ANOS1: variants seen among roughly 807,000 people sequenced by gnomAD.
ANOS1 encodes the protein anosmin 1.
ANOS1 carries 6 observed loss-of-function variants against 59.0 expected under a neutral mutation model. That is an observed-to-expected ratio of 0.10 (90% CI 0.06 to 0.20). ANOS1 has a LOEUF of 0.20. ANOS1 is among the 10% of genes least tolerant of loss of function. The pLI is 1.00. For synonymous variants in ANOS1, 217 were observed against 223.4 expected (o/e 0.97, Z 0.25); for missense variants, 433 against 542.3 (o/e 0.80, Z 2.00).
At chrX:8,590,237 T>C (rs757182312) in intron 4 of ANOS1, among the ~76,000 whole-genome samples, 1 of 112,285 alleles carries the variant, frequency 8.9e-6, no homozygotes, top group East Asian at 2.8e-4. Flanking sequence ...TGTCAATCTA[T>C]CTCCTGGTAC....
At position 8,621,981 on chromosome X, in the gene ANOS1, CACAA is replaced by C. The variant is rs770731382; in HGVS notation, c.318+1623_318+1626del. On this transcript the variant is annotated intron_variant, in intron 3 of 13. Transcript: ENST00000262648. ...GAACACAGAAAAGGTAAAAGCAGAA[CACAA>C]ACAAAGACATGGGATGGCCTCACTC... Among the ~76,000 whole-genome samples, 25 of 111,949 alleles carry C rather than the reference CACAA, an allele frequency of 2.2e-4. No homozygotes were observed. The South Asian group carries it at 5.6e-3, about 25-fold the overall frequency.
intron 2 of ANOS1, among the ~76,000 whole-genome samples, chrX:8,640,948 A>T (rs1931653873): frequency 8.9e-6 from 1 of 112,253 alleles, no homozygotes. Flanking sequence ...TAAAACCCAC[A>T]TATCAATGTT....
Position 8,596,393 on chromosome X carries a change from T to C in ANOS1, c.541+641A>G, listed in dbSNP as rs189940033. On this transcript the variant is annotated intron_variant, in intron 4 of 13. Coordinates refer to ENST00000262648, the MANE Select transcript of ANOS1 (RefSeq NM_000216.4). Reference sequence around the variant, plus strand: ...CTAATACAATGGATTCATCTTGGCTTTAAAAGAGCTTAGTCCCATTTACAG... The same window carrying C: ...CTAATACAATGGATTCATCTTGGCTCTAAAAGAGCTTAGTCCCATTTACAG... Among the ~76,000 whole-genome samples, 11 of 111,771 alleles carry C rather than the reference T, an allele frequency of 9.8e-5. No individual in the cohort carries two copies. The East Asian group carries it at 3.1e-3, about 32-fold the overall frequency.
At chrX:8,557,631 T>C (rs748814703) in intron 8 of ANOS1, among the ~76,000 whole-genome samples, 11 of 112,006 alleles carry the variant, frequency 9.8e-5, no homozygotes, top group Admixed American at 2.8e-4. Flanking sequence ...TTAGATACCA[T>C]CTCATGCCAG....
At chrX:8,638,436 A>C (rs1414389919) in intron 2 of ANOS1, among the ~76,000 whole-genome samples, 1 of 112,145 alleles carries the variant, frequency 8.9e-6, no homozygotes, top group East Asian at 2.8e-4. Context: ...AATCCAAGAG[A>C]TATTAGGAGC....
At chrX:8,719,544 C>A (rs1200836822) in intron 1 of ANOS1, among the ~76,000 whole-genome samples, 1 of 111,222 alleles carries the variant, frequency 9.0e-6, no homozygotes, top group Non-Finnish European at 1.9e-5. Context: ...CCATGCCTGG[C>A]TAATTTTTGT....
intron 8 of ANOS1, among the ~76,000 whole-genome samples, chrX:8,567,755 T>C (rs750014177): frequency 7.2e-5 from 8 of 111,124 alleles, no homozygotes; most frequent in Admixed American, 3.8e-4. Flanking sequence ...GATCACGCCA[T>C]TGCACTCCAG....
At chrX:8,554,874 T>A (rs770440874) in intron 8 of ANOS1, among the ~76,000 whole-genome samples, 2 of 110,426 alleles carry the variant, frequency 1.8e-5, no homozygotes, top group Non-Finnish European at 3.8e-5. Context: ...CTGGACCAAG[T>A]GCACCTAATA....
At chrX:8,577,365 C>T (rs1053810024) in intron 6 of ANOS1, among the ~76,000 whole-genome samples, 12 of 111,461 alleles carry the variant, frequency 1.1e-4, no homozygotes, top group African/African-American at 2.3e-4. Flanking sequence ...TCTCCTAACC[C>T]TTCCTCTGAG....
intron 2 of ANOS1, among the ~76,000 whole-genome samples, chrX:8,679,929 G>A (rs1248712660): frequency 9.1e-6 from 1 of 110,304 alleles, no homozygotes; most frequent in African/African-American, 3.3e-5. Flanking sequence ...GGGAGGCCCA[G>A]GTGAGTGGAT....
intron 3 of ANOS1, among the ~76,000 whole-genome samples, chrX:8,608,739 C>A (rs1930988618): frequency 9.0e-6 from 1 of 111,353 alleles, no homozygotes; most frequent in Non-Finnish European, 1.9e-5. Flanking sequence ...GGGGCAGTTT[C>A]CCCCATGCTG....
At chrX:8,701,008 T>C (rs1932752203) in intron 1 of ANOS1, among the ~76,000 whole-genome samples, 1 of 111,424 alleles carries the variant, frequency 9.0e-6, no homozygotes, top group South Asian at 3.7e-4. Context: ...AAACTCCATC[T>C]CAAAAAAATA....
At chrX:8,609,826 T>C (rs1931011605) in intron 3 of ANOS1, among the ~76,000 whole-genome samples, 1 of 107,839 alleles carries the variant, frequency 9.3e-6, no homozygotes, top group Non-Finnish European at 1.9e-5. Flanking sequence ...GCTAACACGG[T>C]GAAACCCCAT....
intron 9 of ANOS1, among the ~76,000 whole-genome samples, chrX:8,549,010 C>T (rs866754760): frequency 8.9e-6 from 1 of 112,062 alleles, no homozygotes; most frequent in South Asian, 3.7e-4. Context: ...TCCTTTGTGG[C>T]CCAGGGTCCA....
intron 6 of ANOS1, among the ~76,000 whole-genome samples, 153 bp downstream of exon 6, chrX:8,585,114 G>A (rs1158717848): frequency 8.9e-6 from 1 of 111,953 alleles, no homozygotes; most frequent in Non-Finnish European, 1.9e-5. Context: ...AATGTACATG[G>A]TACCTTCAAA....
In ANOS1 at chrX:8,711,294, T is replaced by A. The variant is rs369904377; in HGVS notation, c.208-11549A>T. Among the ~76,000 whole-genome samples the A allele has an allele frequency of 1.3e-4, 15 of 112,487 alleles. No individual in the cohort carries two copies. In the East Asian group the frequency reaches 4.2e-3, roughly 31 times the overall value. ...CCTGAGAATGGCAAGTTAATAGCAA[T>A]TCAAGTTCAACAGTCTCCCTTTGTA... is the stretch of plus-strand genomic sequence containing the variant. On this transcript the variant is annotated intron_variant, in intron 1 of 13. Coordinates refer to ENST00000262648, the MANE Select transcript of ANOS1 (RefSeq NM_000216.4).
At position 8,643,698 on chromosome X, in the gene ANOS1, A is replaced by G. The variant is rs892046964; in HGVS notation, c.256-20028T>C. ...CTAGACCTTTTCCTTCCAGTCTACCACCTTTTAAAGGGTCTGAATAGGAAA... is the reference window on the plus strand; with the variant it reads ...CTAGACCTTTTCCTTCCAGTCTACCGCCTTTTAAAGGGTCTGAATAGGAAA... On this transcript the variant is annotated intron_variant, in intron 2 of 13. Coordinates refer to ENST00000262648, the MANE Select transcript of ANOS1 (RefSeq NM_000216.4). 2.7e-5 allele frequency among the ~76,000 whole-genome samples: 3 copies of G among 111,889 alleles called. No individual in the cohort carries two copies. The East Asian group carries it at 8.5e-4, about 32-fold the overall frequency.
chrX:8,729,712 TAAAAAAAAAAAA>T (rs1173021674), intron 1 of ANOS1, among the ~76,000 whole-genome samples: 69 of 63,070 alleles, frequency 1.1e-3, no homozygotes, highest in African/African-American at 3.6e-3. Flanking sequence ...TTCTAATTAT[TAAAAAAAAAAAA>T]AAAAAAAAAA....
intron 2 of ANOS1, among the ~76,000 whole-genome samples, chrX:8,652,410 G>C (rs1250283109): frequency 1.8e-5 from 2 of 111,858 alleles, no homozygotes; most frequent in African/African-American, 3.3e-5. Flanking sequence ...TCTGTAAAGA[G>C]TGTGATACCA....
Sources: gnomAD v4.1 joint callset for allele counts (sites outside exome capture counted in the v4.1 genomes callset) on GRCh38, gnomAD v4.1.1 for gene constraint, MANE v1.5 for transcripts, NCBI Gene and HGNC (gene_info 2026-07-23, HGNC 2026-07-21) for gene names.